OXCT2: variants seen among roughly 807,000 people sequenced by gnomAD.
OXCT2 encodes succinyl-CoA:3-ketoacid coenzyme A transferase 2, mitochondrial.
For synonymous variants in OXCT2, 110 were observed against 298.4 expected, an observed-to-expected ratio of 0.37 and a Z score of 6.51; for missense variants, 317 against 695.7, an observed-to-expected ratio of 0.46 and a Z score of 6.12.
At position 39,770,444 on chromosome 1, in the gene OXCT2, T is replaced by G; in HGVS notation, c.812A>C (p.Lys271Thr). 6.2e-7 allele frequency: 1 copy of G among 1,609,356 alleles called. No individual in the cohort carries two copies. The highest frequency in any genetic ancestry group is 8.5e-7 in the Non-Finnish European group (1 of 1,179,092). ...VPNIYVDRVIKGQKYEKRIER... is the reference protein window; with the variant it reads ...VPNIYVDRVITGQKYEKRIER... ...AATTCGTTTCTCGTATTTCTGCCCC[T>G]TTATCACGCGATCTACATAAATGTT... The change falls in exon 1 of 1, where the codon AAG becomes ACG. Residue 271 changes from lysine (K) to threonine (T), a missense_variant. Coordinates refer to ENST00000327582, the MANE Select transcript of OXCT2 (RefSeq NM_022120.2).
Position 39,770,740 on chromosome 1 carries a change from G to C in OXCT2, c.516C>G (p.Ile172Met). 1 of 1,036,560 alleles carries C rather than the reference G, an allele frequency of 9.6e-7. No homozygotes were observed. The highest frequency in any genetic ancestry group is 1.3e-6 in the Non-Finnish European group (1 of 753,200). The allele number at this position is 1,036,560 out of a possible 1,614,324, so 64.2% of individuals were successfully genotyped here. A position where few individuals can be genotyped will look rare whatever the true frequency, so the allele number is the denominator to read the frequency against. ...CCAGGTGGCCGTCCGGGGTGTAGCG[G>C]ATGGGGGCGCCCCCTTCCTGGACCA... ...GTLVQEGGAP[I>M]RYTPDGHLAL... is the part of the protein sequence containing the mutation. The change falls in exon 1 of 1, where the codon ATC becomes ATG. Residue 172 changes from isoleucine (I) to methionine (M), a missense_variant. Ile to Met is a conservative substitution (Grantham distance 10, BLOSUM62 1). Transcript: ENST00000327582.
rs1649925590 is a variant in OXCT2, at chr1:39,770,865, G to C, written c.391C>G (p.Leu131Val). The C allele has an allele frequency of 8.8e-6, 7 of 797,900 alleles. 1 individual carries two copies. The East Asian group carries it at 1.9e-4, about 22-fold the overall frequency. The allele number at this position is 797,900 out of a possible 1,614,324, so 49.4% of individuals were successfully genotyped here. The change falls in exon 1 of 1, where the codon CTG (leucine) becomes GTG (valine). Residue 131 changes from leucine (L) to valine (V), a missense_variant. Transcript: ENST00000327582. Reference sequence around the variant, plus strand: ...CCCTGGGGCGTGAGCTCCAGCTCCAGCTCTCCTGCCAGGTACTGGCTCTCG... The same window carrying C: ...CCCTGGGGCGTGAGCTCCAGCTCCACCTCTCCTGCCAGGTACTGGCTCTCG... ...LCESQYLAGE[L>V]ELELTPQGTL...
Position 39,769,619 on chromosome 1 carries a change from A to G in OXCT2, c.*83T>C. 1 of 1,440,876 alleles carries G rather than the reference A, an allele frequency of 6.9e-7. No homozygotes were observed. The highest frequency in any genetic ancestry group is 9.1e-7 in the Non-Finnish European group (1 of 1,097,252). The allele number at this position is 1,440,876 out of a possible 1,614,324, so 89.3% of individuals were successfully genotyped here. A position where few individuals can be genotyped will look rare whatever the true frequency, so the allele number is the denominator to read the frequency against. On this transcript the variant is annotated 3_prime_UTR_variant, in exon 1 of 1. Transcript: ENST00000327582. ...AGGAGGCCAGTAGCAAACCCCTCCC[A>G]GAGCTGGGGACATGTATTCCCCTGG...
Position 39,771,272 on chromosome 1 carries a change from A to C in OXCT2, c.-17T>G. On this transcript the variant is annotated 5_prime_UTR_variant, in exon 1 of 1. Transcript: ENST00000327582. ...CGCCGCCATAGTCGGCCCGGGTCGGAGGCCAGGACAGGTGGTGTGAGCCCT... is the reference window on the plus strand; with the variant it reads ...CGCCGCCATAGTCGGCCCGGGTCGGCGGCCAGGACAGGTGGTGTGAGCCCT... 6.6e-7 allele frequency: 1 copy of C among 1,507,550 alleles called. No individual in the cohort carries two copies. The highest frequency in any genetic ancestry group is 8.9e-7 in the Non-Finnish European group (1 of 1,129,722). The allele number at this position is 1,507,550 out of a possible 1,614,324, so 93.4% of individuals were successfully genotyped here.
chr1:39,769,613 C>T lies in OXCT2; in HGVS notation c.*89G>A, dbSNP rs964860444. 6.3e-6 allele frequency: 9 copies of T among 1,436,868 alleles called. No individual in the cohort carries two copies. Among genetic ancestry groups the T allele is most frequent in the Non-Finnish European group, 7.3e-6 (8 of 1,095,410 alleles). The allele number at this position is 1,436,868 out of a possible 1,614,324, so 89.0% of individuals were successfully genotyped here. ...GAAAGTAGGAGGCCAGTAGCAAACC[C>T]CTCCCAGAGCTGGGGACATGTATTC... is the stretch of plus-strand genomic sequence containing the variant. On this transcript the variant is annotated 3_prime_UTR_variant, in exon 1 of 1. Coordinates refer to ENST00000327582, the MANE Select transcript of OXCT2 (RefSeq NM_022120.2).
At position 39,770,700 on chromosome 1, in the gene OXCT2, G is replaced by T. The variant is rs781045390; in HGVS notation, c.556C>A (p.Pro186Thr). The T allele has an allele frequency of 7.8e-7, 1 of 1,290,224 alleles. No individual in the cohort carries two copies. Among genetic ancestry groups the T allele is most frequent in the African/African-American group, 1.9e-5 (1 of 51,314 alleles). The allele number at this position is 1,290,224 out of a possible 1,614,324, so 79.9% of individuals were successfully genotyped here. A position where few individuals can be genotyped will look rare whatever the true frequency, so the allele number is the denominator to read the frequency against. ...PDGHLALMSQ[P>T]REVREFNGDH... ...CCGTTGAACTCCCTCACCTCTCGGG[G>T]CTGGCTCATGAGCGCCAGGTGGCCG... Residue 186 changes from proline to threonine, a missense_variant, in exon 1 of 1, where the codon CCC (proline) becomes ACC (threonine). Pro to Thr is a conservative substitution (Grantham distance 38). Transcript: ENST00000327582.
rs570331986 is a variant in OXCT2 at position 39,771,299 on chromosome 1, C to A, written c.-44G>T. 9.6e-3 allele frequency: 13,799 copies of A among 1,436,970 alleles called. 94 individuals are homozygous for A. Among genetic ancestry groups the A allele is most frequent in the Non-Finnish European group, 0.011 (12,345 of 1,098,720 alleles). 89.0% of individuals were successfully genotyped at this position (1,436,970 alleles called of 1,614,324 possible). On this transcript the variant is annotated 5_prime_UTR_variant, in exon 1 of 1. Coordinates refer to ENST00000327582, the MANE Select transcript of OXCT2 (RefSeq NM_022120.2). ...GCCAGGACAGGTGGTGTGAGCCCTG[C>A]GTGCGCCTCGGGCCGCGCGTCACAG...
chr1:39,770,093 C>T lies in OXCT2; in HGVS notation c.1163G>A (p.Gly388Glu). Reference sequence around the variant, plus strand: ...AAGCATGGTTAGTTGGATGTGTCCCCCTCGGATCATGGCGAAGGAGTCGTC... The same window carrying T: ...AAGCATGGTTAGTTGGATGTGTCCCTCTCGGATCATGGCGAAGGAGTCGTC... The part of the protein sequence containing the change: ...ASDDSFAMIR[G>E]GHIQLTMLGA... Residue 388 changes from glycine (G) to glutamate (E), a missense_variant, in exon 1 of 1, where the codon GGG (glycine) becomes GAG (glutamate). Transcript: ENST00000327582. The T allele has an allele frequency of 1.6e-6, 2 of 1,225,640 alleles. No homozygotes were observed. Among genetic ancestry groups the T allele is most frequent in the South Asian group, 1.5e-5 (1 of 66,640 alleles). 75.9% of individuals were successfully genotyped at this position (1,225,640 alleles called of 1,614,324 possible).
chr1:39,770,468 T>C lies in OXCT2; in HGVS notation c.788A>G (p.Asn263Ser), dbSNP rs752698927. The C allele has an allele frequency of 3.1e-6, 5 of 1,610,010 alleles. No homozygotes were observed. Among genetic ancestry groups the C allele is most frequent in the Non-Finnish European group, 4.2e-6 (5 of 1,179,210 alleles). Reference protein sequence around the residue: ...AFPPEDIHVPNIYVDRVIKGQ... With the variant: ...AFPPEDIHVPSIYVDRVIKGQ... ...CTTTATCACGCGATCTACATAAATG[T>C]TAGGAACGTGGATGTCTTCTGGGGG... Residue 263 changes from asparagine (N) to serine (S), a missense_variant, in exon 1 of 1, where the codon AAC (asparagine) becomes AGC (serine). Coordinates refer to ENST00000327582, the MANE Select transcript of OXCT2 (RefSeq NM_022120.2).
chr1:39,770,583 T>C lies in OXCT2; in HGVS notation c.673A>G (p.Arg225Gly). 1 of 1,601,878 alleles carries C rather than the reference T, an allele frequency of 6.2e-7. No homozygotes were observed. Among genetic ancestry groups the C allele is most frequent in the East Asian group, 2.3e-5 (1 of 43,668 alleles). Residue 225 changes from arginine (R) to glycine (G), a missense_variant, in exon 1 of 1, where the codon AGA becomes GGA. By Grantham distance (125) the Arg-to-Gly change is moderately radical. Transcript: ENST00000327582. ...GGCACGTTGAAATTGCGGGCGCTTCTCCTGAAGACCACGTTTCCTGCCCGG... is the reference window on the plus strand; with the variant it reads ...GGCACGTTGAAATTGCGGGCGCTTCCCCTGAAGACCACGTTTCCTGCCCGG... The part of the protein sequence containing the change: ...ADRAGNVVFR[R>G]SARNFNVPMC...
chr1:39,769,790 C>T lies in OXCT2; in HGVS notation c.1466G>A (p.Gly489Asp), dbSNP rs1186559945. 1 of 1,613,540 alleles carries T rather than the reference C, an allele frequency of 6.2e-7. No individual in the cohort carries two copies. Among genetic ancestry groups the T allele is most frequent in the Non-Finnish European group, 8.5e-7 (1 of 1,179,784 alleles). ...KELTLRELWE[G>D]LTVDDIKKST... is the part of the protein sequence containing the mutation. ...CTTTTTGATGTCGTCCACCGTCAGG[C>T]CCTCCCAGAGCTCCCTCAGCGTCAG... The change falls in exon 1 of 1, where the codon GGC becomes GAC. Residue 489 changes from glycine to aspartate, a missense_variant. Gly to Asp is a moderately conservative substitution (Grantham distance 94). Transcript: ENST00000327582.
At position 39,770,239 on chromosome 1, in the gene OXCT2, G is replaced by A. The variant is rs1176550549; in HGVS notation, c.1017C>T (p.His339=). 1.3e-6 allele frequency: 2 copies of A among 1,511,600 alleles called. No homozygotes were observed. The highest frequency in any genetic ancestry group is 2.2e-4 in the Middle Eastern group (1 of 4,570). The allele number at this position is 1,511,600 out of a possible 1,614,324, so 93.6% of individuals were successfully genotyped here. A position where few individuals can be genotyped will look rare whatever the true frequency, so the allele number is the denominator to read the frequency against. ...CCAGGCCCAGGATCCCGTTCTCACTGTGAAGATGGACAGTCATGCTGGGAC... is the reference window on the plus strand; with the variant it reads ...CCAGGCCCAGGATCCCGTTCTCACTATGAAGATGGACAGTCATGCTGGGAC... ...FISPSMTVHL[H]SENGILGLGP... Residue 339 remains histidine, a synonymous_variant, in exon 1 of 1, where the codon CAC becomes CAT. Coordinates refer to ENST00000327582, the MANE Select transcript of OXCT2 (RefSeq NM_022120.2).
chr1:39,770,504 A>G lies in OXCT2; in HGVS notation c.752T>C (p.Val251Ala). Residue 251 changes from valine (V) to alanine (A), a missense_variant, in exon 1 of 1, where the codon GTG (valine) becomes GCG (alanine). Physicochemically the swap from Val to Ala is moderately conservative, Grantham distance 64 (BLOSUM62 0). Transcript: ENST00000327582. ...TAVEVEEIVE[V>A]GAFPPEDIHV... ...GATGTCTTCTGGGGGGAAAGCCCCC[A>G]CCTCCACGATCTCTTCCACCTCCAC... 1 of 1,609,748 alleles carries G rather than the reference A, an allele frequency of 6.2e-7. No individual in the cohort carries two copies. The highest frequency in any genetic ancestry group is 8.5e-7 in the Non-Finnish European group (1 of 1,178,914).
Position 39,770,322 on chromosome 1 carries a change from C to T in OXCT2, c.934G>A (p.Asp312Asn), listed in dbSNP as rs747716832. 1 of 1,587,820 alleles carries T rather than the reference C, an allele frequency of 6.3e-7. No individual in the cohort carries two copies. The highest frequency in any genetic ancestry group is 8.5e-7 in the Non-Finnish European group (1 of 1,172,476). Residue 312 changes from aspartate to asparagine, a missense_variant, in exon 1 of 1, where the codon GAC becomes AAC. By Grantham distance (23) the Asp-to-Asn change is conservative (BLOSUM62 1). Transcript: ENST00000327582. ...ATGCCCAGATTGGCGTACATGCCGT[C>T]CTCAAATTCCAGAGCTGCGCGTCTG... Reference protein sequence around the residue: ...IIRRAALEFEDGMYANLGIGI... With the variant: ...IIRRAALEFENGMYANLGIGI...
chr1:39,771,182 G>T lies in OXCT2; in HGVS notation c.74C>A (p.Ser25Tyr). The change falls in exon 1 of 1, where the codon TCC (serine) becomes TAC (tyrosine). Residue 25 changes from serine to tyrosine, a missense_variant. Ser to Tyr is a moderately radical substitution (Grantham distance 144, BLOSUM62 -2). Coordinates refer to ENST00000327582, the MANE Select transcript of OXCT2 (RefSeq NM_022120.2). ...VPAGGSGLAL[S>Y]QGCARCFATS... The stretch of plus-strand genomic sequence containing the variant: ...GGCAAAGCAGCGGGCGCAGCCCTGG[G>T]ACAGCGCGAGCCCTGAGCCGCCGGC... 2 of 1,545,742 alleles carry T rather than the reference G, an allele frequency of 1.3e-6. No homozygotes were observed. Among genetic ancestry groups the T allele is most frequent in the Non-Finnish European group, 1.7e-6 (2 of 1,143,424 alleles).
In OXCT2 at chr1:39,770,342, C is replaced by T. The variant is rs200262941; in HGVS notation, c.914G>A (p.Arg305His). ...EEDARTRIIR[R>H]AALEFEDGMY... ...GCCGTCCTCAAATTCCAGAGCTGCGCGTCTGATGATGCGCGTCCTGGCGTC... is the reference window on the plus strand; with the variant it reads ...GCCGTCCTCAAATTCCAGAGCTGCGTGTCTGATGATGCGCGTCCTGGCGTC... Residue 305 changes from arginine (R) to histidine (H), a missense_variant, in exon 1 of 1, where the codon CGC becomes CAC. Transcript: ENST00000327582. 60 of 1,590,780 alleles carry T rather than the reference C, an allele frequency of 3.8e-5. 1 individual carries two copies. The highest frequency in any genetic ancestry group is 1.7e-4 in the Middle Eastern group (1 of 5,824).
chr1:39,771,233 G>A lies in OXCT2; in HGVS notation c.23C>T (p.Ala8Val), dbSNP rs1649956747. Residue 8 changes from alanine (A) to valine (V), a missense_variant, in exon 1 of 1, where the codon GCG becomes GTG. Physicochemically the swap from Ala to Val is moderately conservative, Grantham distance 64 (BLOSUM62 0). Coordinates refer to ENST00000327582, the MANE Select transcript of OXCT2 (RefSeq NM_022120.2). Reference sequence around the variant, plus strand: ...GGGGACCCCGCGCCCGAGCACTGACGCCAGGAGCCGCAGCGCCGCCATAGT... The same window carrying A: ...GGGGACCCCGCGCCCGAGCACTGACACCAGGAGCCGCAGCGCCGCCATAGT... MAALRLLASVLGRGVPAG... is the reference protein window; with the variant it reads MAALRLLVSVLGRGVPAG... The A allele has an allele frequency of 1.3e-6, 2 of 1,525,354 alleles. No individual in the cohort carries two copies. The highest frequency in any genetic ancestry group is 2.1e-5 in the Admixed American group (1 of 47,722). The allele number at this position is 1,525,354 out of a possible 1,614,324, so 94.5% of individuals were successfully genotyped here. A position where few individuals can be genotyped will look rare whatever the true frequency, so the allele number is the denominator to read the frequency against.
Position 39,770,279 on chromosome 1 carries a change from G to A in OXCT2, c.977C>T (p.Ala326Val). 6.4e-7 allele frequency: 1 copy of A among 1,564,456 alleles called. No individual in the cohort carries two copies. The highest frequency in any genetic ancestry group is 8.6e-7 in the Non-Finnish European group (1 of 1,158,734). Residue 326 changes from alanine (A) to valine (V), a missense_variant, in exon 1 of 1, where the codon GCC becomes GTC. Coordinates refer to ENST00000327582, the MANE Select transcript of OXCT2 (RefSeq NM_022120.2). ...ANLGIGIPLL[A>V]SNFISPSMTV... ...CATGCTGGGACTGATGAAGTTGCTG[G>A]CCAGCAGGGGGATGCCTATGCCCAG... is the stretch of plus-strand genomic sequence containing the variant.
chr1:39,770,410 T>G lies in OXCT2; in HGVS notation c.846A>C (p.Leu282Phe). 1.2e-6 allele frequency: 2 copies of G among 1,607,198 alleles called. No homozygotes were observed. Among genetic ancestry groups the G allele is most frequent in the South Asian group, 2.2e-5 (2 of 90,688 alleles). Residue 282 changes from leucine to phenylalanine, a missense_variant, in exon 1 of 1, where the codon TTA becomes TTC. Transcript: ENST00000327582. ...GQKYEKRIER[L>F]TILKEEDGDA... Reference sequence around the variant, plus strand: ...CTCCATCTTCCTCTTTCAGGATCGTTAAGCGCTCAATTCGTTTCTCGTATT... The same window carrying G: ...CTCCATCTTCCTCTTTCAGGATCGTGAAGCGCTCAATTCGTTTCTCGTATT...
Sources: gnomAD v4.1 joint callset for allele counts on GRCh38, gnomAD v4.1.1 for gene constraint, MANE v1.5 for transcripts, NCBI Gene and HGNC (gene_info 2026-07-23, HGNC 2026-07-21) for gene names.